ALOX15: variants seen among roughly 807,000 people sequenced by gnomAD.
ALOX15 encodes the protein polyunsaturated fatty acid lipoxygenase ALOX15.
Under a neutral mutation model 71.7 loss-of-function variants are expected in ALOX15, and 68 were observed. The observed-to-expected ratio is 0.95, with a 90% CI of 0.78 to 1.16. The LOEUF is 1.16. Among genes scored for constraint, ALOX15 ranks in the 50% most tolerant of loss-of-function variants. ALOX15 has a pLI of 0.00. For missense variants in ALOX15, 798 were observed against 818.8 expected, an observed-to-expected ratio of 0.97 and a Z score of 0.31; for synonymous variants, 346 against 333.3, an observed-to-expected ratio of 1.04 and a Z score of -0.42.
At chr17:4,639,297 C>A in intron 2 of ALOX15, 133 bp downstream of exon 2, 1 of 1,383,502 alleles carries the variant, frequency 7.2e-7, no homozygotes, top group South Asian at 1.3e-5. Flanking sequence ...AGCCACCGCC[C>A]CTTCGACACC....
intron 1 of ALOX15, among the ~76,000 whole-genome samples, chr17:4,640,412 G>T (rs1313748077): frequency 6.9e-6 from 1 of 144,842 alleles, no homozygotes; most frequent in Non-Finnish European, 1.5e-5. Context: ...TCCGGCGACC[G>T]CAGTTTCCAG....
rs746332651 is a variant in ALOX15, at chr17:4,639,546, T to C, written c.221A>G (p.Asp74Gly). The C allele has an allele frequency of 6.2e-7, 1 of 1,613,906 alleles. No homozygotes were observed. The highest frequency in any genetic ancestry group is 1.1e-5 in the South Asian group (1 of 91,074). The change falls in exon 2 of 14, where the codon GAC becomes GGC. Residue 74 changes from aspartate (D) to glycine (G), a missense_variant. By Grantham distance (94) the Asp-to-Gly change is moderately conservative. Transcript: ENST00000293761. ...KLRKRHLLKD[D>G]AWFCNWISVQ... ...AGAGATCCAGTTGCAGAACCAGGCG[T>C]CGTCCTTAAGGAGGTGCCGTTTGCG...
In ALOX15 at chr17:4,636,973, G is replaced by C. The variant is rs11568145; in HGVS notation, c.951+142C>G. On this transcript the variant is annotated intron_variant, in intron 7 of 13. Coordinates refer to ENST00000293761, the MANE Select transcript of ALOX15 (RefSeq NM_001140.5). ...AGCTACACTGCAAGGCCTTCGAATA[G>C]AGACTTGGCGCATTTCCTCCTTTCG... 20,824 of 1,028,692 alleles carry C rather than the reference G, an allele frequency of 0.02. 249 individuals are homozygous for C. The highest frequency in any genetic ancestry group is 0.028 in the Middle Eastern group (86 of 3,092). The allele number at this position is 1,028,692 out of a possible 1,614,324, so 63.7% of individuals were successfully genotyped here.
At chr17:4,634,297 T>C (rs751108639) in intron 8 of ALOX15, among the ~76,000 whole-genome samples, 5 of 152,144 alleles carry the variant, frequency 3.3e-5, no homozygotes, top group Admixed American at 6.5e-5. Flanking sequence ...AAGAAATCAT[T>C]CTTTGTTGTT....
intron 8 of ALOX15, 106 bp downstream of exon 8, chr17:4,635,653 T>C: frequency 3.6e-6 from 4 of 1,102,386 alleles, no homozygotes; most frequent in Non-Finnish European, 5.4e-6. Flanking sequence ...CCATTCATTG[T>C]TTCTCTCTGT....
At chr17:4,641,183 G>A (rs1380057392) in intron 1 of ALOX15, among the ~76,000 whole-genome samples, 1 of 151,410 alleles carries the variant, frequency 6.6e-6, no homozygotes, top group Non-Finnish European at 1.5e-5. Flanking sequence ...CGGTTGAAAC[G>A]GTTTTTAAAA....
chr17:4,638,603 C>G lies in ALOX15; in HGVS notation c.624G>C (p.Trp208Cys), dbSNP rs569584721. Residue 208 changes from tryptophan to cysteine, a missense_variant, in exon 5 of 14, where the codon TGG becomes TGC. Coordinates refer to ENST00000293761, the MANE Select transcript of ALOX15 (RefSeq NM_001140.5). ...KDLDDFNRIF[W>C]CGQSKLAERV... ...GACCAGCCAGCTTGCTCTGACCACA[C>G]CAGAAAATCCGGTTGAAGTCATCTA... 45 of 1,614,134 alleles carry G rather than the reference C, an allele frequency of 2.8e-5. No individual in the cohort carries two copies. Among genetic ancestry groups the G allele is most frequent in the South Asian group, 2.4e-4 (22 of 91,088 alleles).
rs1910892612 is a variant in ALOX15 at position 4,631,481 on chromosome 17, C to T, written c.*119G>A. The T allele has an allele frequency of 7.7e-7, 1 of 1,303,512 alleles. No individual in the cohort carries two copies. Among genetic ancestry groups the T allele is most frequent in the South Asian group, 1.4e-5 (1 of 70,454 alleles). 80.7% of individuals were successfully genotyped at this position (1,303,512 alleles called of 1,614,324 possible). A position where few individuals can be genotyped will look rare whatever the true frequency, so the allele number is the denominator to read the frequency against. ...GTGCAGAGACCATGAAAAGGTGCCCCTCTAGGGAGGGTGGGACATGGGAAG... is the reference window on the plus strand; with the variant it reads ...GTGCAGAGACCATGAAAAGGTGCCCTTCTAGGGAGGGTGGGACATGGGAAG... On this transcript the variant is annotated 3_prime_UTR_variant, in exon 14 of 14. Coordinates refer to ENST00000293761, the MANE Select transcript of ALOX15 (RefSeq NM_001140.5).
In ALOX15 at chr17:4,639,147, G is replaced by A; in HGVS notation, c.338-15C>T. The A allele has an allele frequency of 6.2e-7, 1 of 1,614,010 alleles. No individual in the cohort carries two copies. The highest frequency in any genetic ancestry group is 8.5e-7 in the Non-Finnish European group (1 of 1,179,976). Reference sequence around the variant, plus strand: ...CACAGTGCGGCCTAGAAGGACAGAGGAGGACTTGGCCAGTGACTTTTGGTG... The same window carrying A: ...CACAGTGCGGCCTAGAAGGACAGAGAAGGACTTGGCCAGTGACTTTTGGTG... On this transcript the variant is annotated splice_polypyrimidine_tract_variant and intron_variant, in intron 2 of 13. Coordinates refer to ENST00000293761, the MANE Select transcript of ALOX15 (RefSeq NM_001140.5).
chr17:4,637,821 C>G (rs1159221361), intron 6 of ALOX15, among the ~76,000 whole-genome samples: 1 of 152,044 alleles, frequency 6.6e-6, no homozygotes, highest in African/African-American at 2.4e-5. Context: ...AATAGCAGAA[C>G]CAGGATTCAC....
At position 4,639,367 on chromosome 17, in the gene ALOX15, G is replaced by A. The variant is rs1358335380; in HGVS notation, c.337+63C>T. The stretch of plus-strand genomic sequence containing the variant: ...CCATCCTGCGCCCTCTTCTCCACAC[G>A]CGCATCCCCCCAGCTTCTCACACAG... On this transcript the variant is annotated intron_variant, in intron 2 of 13. Transcript: ENST00000293761. 17 of 1,584,880 alleles carry A rather than the reference G, an allele frequency of 1.1e-5. No homozygotes were observed. The South Asian group carries it at 1.9e-4, about 18-fold the overall frequency.
chr17:4,636,356 C>A (rs1911102030), intron 7 of ALOX15, among the ~76,000 whole-genome samples: 1 of 152,204 alleles, frequency 6.6e-6, no homozygotes, highest in South Asian at 2.1e-4. Context: ...CAGCTGCCTG[C>A]TGGATAATTT....
At chr17:4,633,353 C>T in intron 9 of ALOX15, 38 bp from the exon 10 acceptor site, 1 of 1,611,410 alleles carries the variant, frequency 6.2e-7, no homozygotes, top group Non-Finnish European at 8.5e-7. Flanking sequence ...GCGAATCGAC[C>T]TGCCCTGAAT....
In ALOX15 at chr17:4,631,575, T is replaced by G. The variant is rs1413206549; in HGVS notation, c.*25A>C. The stretch of plus-strand genomic sequence containing the variant: ...AGCTTGTGGCTTGGGTGATGGGGGC[T>G]GAAATAACCAAAGGGTGGCGACGCT... On this transcript the variant is annotated 3_prime_UTR_variant, in exon 14 of 14. Transcript: ENST00000293761. 1 of 1,610,380 alleles carries G rather than the reference T, an allele frequency of 6.2e-7. No homozygotes were observed. Among genetic ancestry groups the G allele is most frequent in the African/African-American group, 1.3e-5 (1 of 74,802 alleles).
At position 4,632,877 on chromosome 17, in the gene ALOX15, T is replaced by C; in HGVS notation, c.1524A>G (p.Gln508=). The change falls in exon 11 of 14, where the codon CAA becomes CAG. Residue 508 remains glutamine (Q), a synonymous_variant. Coordinates refer to ENST00000293761, the MANE Select transcript of ALOX15 (RefSeq NM_001140.5). The part of the protein sequence containing the change: ...WCREITEIGL[Q]GAQDRGFPVS... ...TCCTCTTACCTCGGTCCTGGGCCCC[T>C]TGCAGCCCGATTTCAGTGATCTCTC... 1 of 1,614,164 alleles carries C rather than the reference T, an allele frequency of 6.2e-7. No homozygotes were observed. The highest frequency in any genetic ancestry group is 8.5e-7 in the Non-Finnish European group (1 of 1,180,008).
chr17:4,639,166 T>C (rs376137294), intron 2 of ALOX15, 34 bp from the exon 3 acceptor site: 10 of 1,612,106 alleles, frequency 6.2e-6, no homozygotes, highest in Non-Finnish European at 8.5e-6. Flanking sequence ...GCCAGTGACT[T>C]TTGGTGAGCG....
chr17:4,638,803 A>C (rs767228300), intron 4 of ALOX15, 47 bp downstream of exon 4: 1 of 1,613,376 alleles, frequency 6.2e-7, no homozygotes. Context: ...CTTGGCTTCC[A>C]CTAGACCAGG....
In ALOX15 at chr17:4,631,655, T is replaced by A. The variant is rs756915671; in HGVS notation, c.1934A>T (p.Asp645Val). Residue 645 changes from aspartate to valine, a missense_variant, in exon 14 of 14, where the codon GAC (aspartate) becomes GTC (valine). Physicochemically the swap from Asp to Val is radical, Grantham distance 152 (BLOSUM62 -3). This residue lies in a region of ALOX15 where 490 missense variants were observed against 509.4 expected (regional missense o/e 0.96). Coordinates refer to ENST00000293761, the MANE Select transcript of ALOX15 (RefSeq NM_001140.5). ...GGGCCGCAGGTACTCGTAGGGCATGTCCAGCTTTGCATTCCGGATCTCAAT... is the reference window on the plus strand; with the variant it reads ...GGGCCGCAGGTACTCGTAGGGCATGACCAGCTTTGCATTCCGGATCTCAAT... ...KEIEIRNAKL[D>V]MPYEYLRPSV... 1 of 1,614,140 alleles carries A rather than the reference T, an allele frequency of 6.2e-7. No homozygotes were observed. Among genetic ancestry groups the A allele is most frequent in the East Asian group, 2.2e-5 (1 of 44,888 alleles).
chr17:4,633,140 C>T lies in ALOX15; in HGVS notation c.1418+6G>A. The T allele has an allele frequency of 6.2e-7, 1 of 1,613,226 alleles. No individual in the cohort carries two copies. The highest frequency in any genetic ancestry group is 1.7e-4 in the Middle Eastern group (1 of 6,014). Reference sequence around the variant, plus strand: ...GCACCCCCACTGGCCTTCCCGCTTGCCTCACCGATAGATGATTTCCCAGAG... The same window carrying T: ...GCACCCCCACTGGCCTTCCCGCTTGTCTCACCGATAGATGATTTCCCAGAG... On this transcript the variant is annotated splice_donor_region_variant and intron_variant, in intron 10 of 13. Transcript: ENST00000293761.
Sources: gnomAD v4.1 joint callset for allele counts (sites outside exome capture counted in the v4.1 genomes callset) on GRCh38, gnomAD v4.1.1 for gene constraint, gnomAD v4.1.1 regional missense constraint, MANE v1.5 for transcripts, NCBI Gene and HGNC (gene_info 2026-07-23, HGNC 2026-07-21) for gene names.